Variants in DNAH11 observed in about 807,000 individuals in gnomAD.
The protein encoded by DNAH11 is dynein axonemal heavy chain 11, also known as axonemal beta dynein heavy chain 11.
In DNAH11, 442 loss-of-function variants were observed where a neutral mutation model predicts 526.0. The observed-to-expected ratio is 0.84, with a 90% confidence interval of 0.78 to 0.91. The LOEUF (loss-of-function observed/expected upper bound fraction) is 0.91, where lower values mean the gene tolerates loss of function less well. DNAH11 is among the 40% of genes least tolerant of loss of function. DNAH11 has a pLI of 0.00. For synonymous variants in DNAH11, 2,461 were observed against 1,935.9 expected, an observed-to-expected ratio of 1.27 and a Z score of -7.12; for missense variants, 6,989 against 5,448.7, an observed-to-expected ratio of 1.28 and a Z score of -8.90.
rs1291065434 is a variant in DNAH11, at chr7:21,892,551, A to C, written c.12634A>C (p.Asn4212His). The change falls in exon 77 of 82, where the codon AAT (asparagine) becomes CAT (histidine). Residue 4212 changes from asparagine to histidine, a missense_variant. By Grantham distance (68) the Asn-to-His change is moderately conservative. Transcript: ENST00000409508. ...CCCGGCACTGTATGGCCTCCACCCA[A>C]ATGCTGAAATAGAATTCCTGACAGT... ...ESPALYGLHP[N>H]AEIEFLTVTS... 1 of 1,613,826 alleles carries C rather than the reference A, an allele frequency of 6.2e-7. No individual in the cohort carries two copies. The highest frequency in any genetic ancestry group is 8.5e-7 in the Non-Finnish European group (1 of 1,179,894).
At chr7:21,552,836 T>G (rs112428064) in intron 2 of DNAH11, among the ~76,000 whole-genome samples, 13,830 of 152,114 alleles carry the variant, frequency 0.091, 1,014 homozygotes, top group African/African-American at 0.2. Flanking sequence ...GAACCACTTA[T>G]GTTCATAGGG....
chr7:21,633,064 C>G (rs1647028875), intron 25 of DNAH11, among the ~76,000 whole-genome samples: 1 of 152,168 alleles, frequency 6.6e-6, no homozygotes, highest in South Asian at 2.1e-4. Flanking sequence ...GCGATCTCCC[C>G]TTTTTAAAAC....
At chr7:21,645,010 T>A (rs1367275475) in intron 28 of DNAH11, among the ~76,000 whole-genome samples, 1 of 152,252 alleles carries the variant, frequency 6.6e-6, no homozygotes, top group Non-Finnish European at 1.5e-5. Context: ...GTGTTGCCAC[T>A]GCATTGTATT....
chr7:21,856,785 TA>T (rs61539695), intron 68 of DNAH11, among the ~76,000 whole-genome samples: 99,951 of 150,840 alleles, frequency 0.66, 33,564 homozygotes, highest in African/African-American at 0.71. Flanking sequence ...ACAAATGAGT[TA>T]AAAAAAAAAC....
At position 21,899,367 on chromosome 7, in the gene DNAH11, C is replaced by G. The variant is rs750133460; in HGVS notation, c.13081C>G (p.Leu4361Val). 2 of 1,614,040 alleles carry G rather than the reference C, an allele frequency of 1.2e-6. No homozygotes were observed. The highest frequency in any genetic ancestry group is 1.7e-6 in the Non-Finnish European group (2 of 1,179,890). ...FNDLLLRCRE[L>V]DTWTQDLTLP... ...TGACCTCCTCCTGCGATGCCGAGAA[C>G]TCGATACTTGGACACAAGACCTTAC... Residue 4361 changes from leucine (L) to valine (V), a missense_variant, in exon 80 of 82, where the codon CTC (leucine) becomes GTC (valine). By Grantham distance (32) the Leu-to-Val change is conservative (BLOSUM62 1). Transcript: ENST00000409508.
intron 2 of DNAH11, among the ~76,000 whole-genome samples, chr7:21,549,927 T>C (rs1328757624): frequency 6.6e-6 from 1 of 152,212 alleles, no homozygotes; most frequent in Non-Finnish European, 1.5e-5. Flanking sequence ...TTTGGGGTGC[T>C]ACCGTCTTGG....
chr7:21,843,998 A>G (rs1399372611), intron 66 of DNAH11, among the ~76,000 whole-genome samples: 3 of 152,244 alleles, frequency 2.0e-5, no homozygotes, highest in African/African-American at 7.2e-5. Flanking sequence ...CAGATGAACA[A>G]CATTATTCAT....
intron 28 of DNAH11, among the ~76,000 whole-genome samples, chr7:21,648,558 A>G (rs1224977295): frequency 6.6e-6 from 1 of 152,196 alleles, no homozygotes; most frequent in Non-Finnish European, 1.5e-5. Context: ...CACATGAGAG[A>G]AGCCACCGAT....
intron 42 of DNAH11, among the ~76,000 whole-genome samples, chr7:21,716,325 G>A (rs990295318): frequency 1.3e-5 from 2 of 152,144 alleles, no homozygotes; most frequent in Non-Finnish European, 2.9e-5. Context: ...CTGTACTAAT[G>A]AGTAACGTTT....
chr7:21,590,823 T>C, intron 12 of DNAH11, 95 bp from the exon 13 acceptor site: 1 of 783,976 alleles, frequency 1.3e-6, no homozygotes, highest in Non-Finnish European at 1.8e-6. Flanking sequence ...ATAGTAATAC[T>C]TGGATAACAT....
chr7:21,568,945 G>T (rs183376672), intron 6 of DNAH11, among the ~76,000 whole-genome samples: 1 of 152,160 alleles, frequency 6.6e-6, no homozygotes, highest in Non-Finnish European at 1.5e-5. Flanking sequence ...TCTCTTCACT[G>T]CCCTGAATGA....
intron 30 of DNAH11, among the ~76,000 whole-genome samples, chr7:21,675,246 CT>C (rs1199022697): frequency 6.6e-6 from 1 of 152,206 alleles, no homozygotes; most frequent in Admixed American, 6.5e-5. Context: ...CTGCAGCATC[CT>C]TACACACCCC....
rs1365290198 is a variant in DNAH11, at chr7:21,625,757, A to G, written c.4500+5679A>G. ...TCTCTTTTAGTTTCTTCTTTGACCC[A>G]TTGGTTGTTTGGGAGCATGTTATTA... On this transcript the variant is annotated intron_variant, in intron 25 of 81. Coordinates refer to ENST00000409508, the MANE Select transcript of DNAH11 (RefSeq NM_001277115.2). Among the ~76,000 whole-genome samples, 3 of 151,860 alleles carry G rather than the reference A, an allele frequency of 2.0e-5. No homozygotes were observed. The East Asian group carries it at 5.8e-4, about 29-fold the overall frequency.
At chr7:21,868,071 G>A (rs1783353304) in intron 72 of DNAH11, 64 bp downstream of exon 72, 6 of 1,248,640 alleles carry the variant, frequency 4.8e-6, no homozygotes, top group African/African-American at 3.5e-5. Context: ...CCCCACCCCT[G>A]CCCTTCTTTT....
In DNAH11 at chr7:21,601,279, A is replaced by C. The variant is rs938958356; in HGVS notation, c.3425+100A>C. On this transcript the variant is annotated intron_variant, in intron 17 of 81. Coordinates refer to ENST00000409508, the MANE Select transcript of DNAH11 (RefSeq NM_001277115.2). ...GTATTAATGTTGCCAGTTTCATGAT[A>C]GAGATAAATGTTTAATCAGGTACAT... The C allele has an allele frequency of 3.9e-5, 56 of 1,447,568 alleles. 1 individual carries two copies. In the African/African-American group the frequency reaches 7.5e-4, roughly 20 times the overall value. The allele number at this position is 1,447,568 out of a possible 1,614,324, so 89.7% of individuals were successfully genotyped here. A position where few individuals can be genotyped will look rare whatever the true frequency, so the allele number is the denominator to read the frequency against.
chr7:21,868,280 A>C (rs1183673154), intron 72 of DNAH11, among the ~76,000 whole-genome samples: 1 of 152,064 alleles, frequency 6.6e-6, no homozygotes, highest in Non-Finnish European at 1.5e-5. Context: ...AATTTTCCAC[A>C]TGCTCATGTA....
At chr7:21,866,692 G>A (rs1783295799) in intron 71 of DNAH11, 29 bp downstream of exon 71, 1 of 1,583,806 alleles carries the variant, frequency 6.3e-7, no homozygotes, top group Non-Finnish European at 8.6e-7. Flanking sequence ...TTGGAAACAT[G>A]TATTAGTTAA....
At chr7:21,612,187 A>G (rs997396184) in intron 20 of DNAH11, among the ~76,000 whole-genome samples, 2 of 152,188 alleles carry the variant, frequency 1.3e-5, no homozygotes, top group African/African-American at 2.4e-5. Flanking sequence ...TCATATAACT[A>G]TTCAAACTTA....
Position 21,617,657 on chromosome 7 carries a change from T to C in DNAH11, c.4134T>C (p.Asp1378=). The C allele has an allele frequency of 1.9e-6, 3 of 1,613,902 alleles. No homozygotes were observed. Among genetic ancestry groups the C allele is most frequent in the Non-Finnish European group, 2.5e-6 (3 of 1,179,850 alleles). ...TCAACAAGGAAGTCCGCGTCTGGGA[T>C]GCTTACACGGGCCTGGAAGGCACAG... is the stretch of plus-strand genomic sequence containing the variant. ...WSLNKEVRVW[D]AYTGLEGTVK... The change falls in exon 23 of 82, where the codon GAT becomes GAC. Residue 1378 remains aspartate (D), a synonymous_variant. Transcript: ENST00000409508.
Sources: gnomAD v4.1 joint callset for allele counts (sites outside exome capture counted in the v4.1 genomes callset) on GRCh38, gnomAD v4.1.1 for gene constraint, MANE v1.5 for transcripts, NCBI Gene and HGNC (gene_info 2026-07-23, HGNC 2026-07-21) for gene names.